Variants in TMEM114 observed in about 807,000 individuals in gnomAD.
TMEM114 encodes transmembrane protein 114.
In TMEM114, 6 loss-of-function variants were observed where a neutral mutation model predicts 6.2. The ratio of observed to expected loss-of-function variants is 0.97; its 90% CI spans 0.53 to 1.91. The LOEUF (loss-of-function observed/expected upper bound fraction) is 1.91. Ranked by LOEUF, TMEM114 falls within the 40% of genes most tolerant of loss-of-function variation. The pLI, the probability that TMEM114 is intolerant of heterozygous loss-of-function variation, is 0.01. For synonymous variants in TMEM114, 104 were observed against 73.0 expected, an observed-to-expected ratio of 1.42 and a Z score of -2.16; for missense variants, 218 against 158.3, an observed-to-expected ratio of 1.38 and a Z score of -2.02.
chr16:8,548,373 T>C (rs1209977659), intron 2 of TMEM114, among the ~76,000 whole-genome samples: 2 of 152,340 alleles, frequency 1.3e-5, no homozygotes, highest in East Asian at 1.9e-4. Flanking sequence ...GGCACCTCTA[T>C]AGCTTCCTAC....
At chr16:8,581,567 C>A (rs953053815) in intron 2 of TMEM114, among the ~76,000 whole-genome samples, 3 of 152,202 alleles carry the variant, frequency 2.0e-5, no homozygotes, top group Non-Finnish European at 4.4e-5. Flanking sequence ...AATTCCCGTG[C>A]CTCAGCCTCC....
At chr16:8,545,068 G>A (rs1900620793) in intron 2 of TMEM114, among the ~76,000 whole-genome samples, 1 of 152,022 alleles carries the variant, frequency 6.6e-6, no homozygotes, top group African/African-American at 2.4e-5. Flanking sequence ...CTTGTCTTTT[G>A]TTTCATCAGG....
At chr16:8,549,871 A>T (rs1165406862) in intron 2 of TMEM114, among the ~76,000 whole-genome samples, 1 of 152,172 alleles carries the variant, frequency 6.6e-6, no homozygotes, top group Non-Finnish European at 1.5e-5. Flanking sequence ...GGCTCACATG[A>T]TCACAAGGTG....
downstream of TMEM114, among the ~76,000 whole-genome samples, chr16:8,567,601 C>T (rs1415584382): frequency 6.6e-6 from 1 of 152,178 alleles, no homozygotes; most frequent in Non-Finnish European, 1.5e-5. Flanking sequence ...CCCACTGGAG[C>T]TGCCGGTAAT....
At chr16:8,535,704 T>G (rs1482152126), downstream of TMEM114, among the ~76,000 whole-genome samples, 2 of 152,186 alleles carry the variant, frequency 1.3e-5, no homozygotes, top group African/African-American at 4.8e-5. Flanking sequence ...GAACGTCACC[T>G]GCAAATTTTG....
At chr16:8,585,593 T>G (rs1207150436) in intron 2 of TMEM114, among the ~76,000 whole-genome samples, 6 of 149,608 alleles carry the variant, frequency 4.0e-5, no homozygotes, top group Non-Finnish European at 8.9e-5. Flanking sequence ...TGGACCAAAC[T>G]CAAAATTCAT....
At chr16:8,547,141 G>T (rs1402643478) in intron 2 of TMEM114, among the ~76,000 whole-genome samples, 1 of 152,112 alleles carries the variant, frequency 6.6e-6, no homozygotes, top group Non-Finnish European at 1.5e-5. Context: ...AGCAAATACG[G>T]CTGGGGGAAA....
intron 2 of TMEM114, among the ~76,000 whole-genome samples, chr16:8,550,710 A>AG (rs528801929): frequency 0.27 from 39,894 of 150,456 alleles, 5,612 homozygotes; most frequent in East Asian, 0.37. Flanking sequence ...CAAAAAAAAA[A>AG]AGCAAGCAAA....
chr16:8,572,058 C>T, intron 3 of TMEM114, 29 bp downstream of exon 3: 1 of 1,510,886 alleles, frequency 6.6e-7, no homozygotes, highest in Non-Finnish European at 8.9e-7. Flanking sequence ...AGACCACAAG[C>T]CAGAGCCCTA....
chr16:8,560,480 C>G (rs914683446), intron 2 of TMEM114, among the ~76,000 whole-genome samples: 3 of 152,188 alleles, frequency 2.0e-5, no homozygotes, highest in African/African-American at 7.2e-5. Flanking sequence ...CAGGGTGGCC[C>G]ATCCTCAGCG....
At chr16:8,578,001 C>G (rs1224820374) in intron 2 of TMEM114, among the ~76,000 whole-genome samples, 1 of 152,160 alleles carries the variant, frequency 6.6e-6, no homozygotes, top group East Asian at 1.9e-4. Flanking sequence ...TCGAACAAGG[C>G]CACTGCCCTC....
the TMEM114 span, among the ~76,000 whole-genome samples, chr16:8,531,748 C>T: frequency 2.0e-5 from 3 of 152,176 alleles, no homozygotes. Context: ...CTGTGGAATC[C>T]TCAATGAAAT....
the TMEM114 span, among the ~76,000 whole-genome samples, chr16:8,528,056 G>C: frequency 6.6e-6 from 1 of 152,084 alleles, no homozygotes; most frequent in African/African-American, 2.4e-5. Flanking sequence ...TCACAGGCAT[G>C]TGCCACCATG....
intron 2 of TMEM114, among the ~76,000 whole-genome samples, chr16:8,555,337 G>T (rs1319626871): frequency 6.6e-6 from 1 of 152,354 alleles, no homozygotes; most frequent in East Asian, 1.9e-4. Context: ...TGCAAGAGCA[G>T]GGCTACCCCA....
At chr16:8,554,027 C>A (rs760540742) in intron 2 of TMEM114, among the ~76,000 whole-genome samples, 1 of 151,968 alleles carries the variant, frequency 6.6e-6, no homozygotes, top group Non-Finnish European at 1.5e-5. Flanking sequence ...TACAGGCATG[C>A]GCCACCACAC....
the TMEM114 span, among the ~76,000 whole-genome samples, chr16:8,531,508 G>C: frequency 3.3e-5 from 5 of 152,142 alleles, no homozygotes; most frequent in African/African-American, 1.2e-4. Flanking sequence ...TCAAGGAGTG[G>C]GCACTGAAGG....
intron 2 of TMEM114, among the ~76,000 whole-genome samples, chr16:8,587,797 C>T (rs1364986844): frequency 2.0e-5 from 3 of 152,206 alleles, no homozygotes; most frequent in Non-Finnish European, 4.4e-5. Flanking sequence ...GAGCTAAGAC[C>T]GTGCCACTGC....
chr16:8,557,614 G>A (rs1328387358), intron 2 of TMEM114, among the ~76,000 whole-genome samples: 2 of 152,178 alleles, frequency 1.3e-5, no homozygotes, highest in Non-Finnish European at 2.9e-5. Flanking sequence ...AATGTATGTG[G>A]CCCTTAAGAA....
chr16:8,550,994 G>C (rs1405911138), intron 2 of TMEM114, among the ~76,000 whole-genome samples: 1 of 152,174 alleles, frequency 6.6e-6, no homozygotes, highest in Non-Finnish European at 1.5e-5. Flanking sequence ...ATGATACATG[G>C]TTCTAACCCT....
Sources: gnomAD v4.1 joint callset for allele counts (sites outside exome capture counted in the v4.1 genomes callset) on GRCh38, gnomAD v4.1.1 for gene constraint, MANE v1.5 for transcripts, NCBI Gene and HGNC (gene_info 2026-07-23, HGNC 2026-07-21) for gene names.